CCDC192: variants seen among roughly 807,000 people sequenced by gnomAD.
CCDC192 encodes the protein coiled-coil domain containing 192, also known as coiled-coil domain-containing protein 192.
chr5:127,851,483 A>T (rs1032156001), intron 5 of CCDC192, among the ~76,000 whole-genome samples: 2 of 151,948 alleles, frequency 1.3e-5, no homozygotes, highest in East Asian at 3.9e-4. Context: ...TTTGAGATGG[A>T]GTCTCGCTCT....
At chr5:127,780,164 C>A (rs372321009) in intron 3 of CCDC192, among the ~76,000 whole-genome samples, 1 of 151,796 alleles carries the variant, frequency 6.6e-6, no homozygotes, top group Non-Finnish European at 1.5e-5. Flanking sequence ...TATACGTATA[C>A]GCACACACAT....
chr5:127,814,590 A>G (rs755970281), intron 5 of CCDC192, among the ~76,000 whole-genome samples: 1 of 152,254 alleles, frequency 6.6e-6, no homozygotes, highest in African/African-American at 2.4e-5. Flanking sequence ...AGTTAATTGG[A>G]ATAGCTAAAA....
chr5:127,852,571 C>T (rs1044736727), intron 5 of CCDC192, among the ~76,000 whole-genome samples: 1 of 152,200 alleles, frequency 6.6e-6, no homozygotes, highest in Non-Finnish European at 1.5e-5. Flanking sequence ...CAACCAGAGC[C>T]TCGGCTGAGC....
chr5:127,882,637 AAAAAACAG>A (rs1752404532), intron 6 of CCDC192, among the ~76,000 whole-genome samples: 1 of 152,232 alleles, frequency 6.6e-6, no homozygotes, highest in Non-Finnish European at 1.5e-5. Context: ...TTAGAAAATA[AAAAAACAG>A]TGATTAAAGC....
At chr5:127,918,753 G>T (rs1753602303) in intron 6 of CCDC192, among the ~76,000 whole-genome samples, 1 of 152,108 alleles carries the variant, frequency 6.6e-6, no homozygotes, top group East Asian at 1.9e-4. Flanking sequence ...ATTTTAGCTG[G>T]TCCCTCCTGA....
chr5:127,729,064 G>A (rs1265024669), intron 2 of CCDC192, among the ~76,000 whole-genome samples: 2 of 151,914 alleles, frequency 1.3e-5, no homozygotes, highest in African/African-American at 2.4e-5. Flanking sequence ...ATGCCACCAC[G>A]CCTGGCTAAT....
intron 6 of CCDC192, among the ~76,000 whole-genome samples, chr5:127,888,243 C>A (rs899104194): frequency 1.3e-5 from 2 of 151,824 alleles, no homozygotes; most frequent in South Asian, 4.2e-4. Flanking sequence ...TGGTGAAACC[C>A]CACCTCTACT....
chr5:127,723,543 A>G (rs1034237387), intron 2 of CCDC192, among the ~76,000 whole-genome samples: 7 of 152,232 alleles, frequency 4.6e-5, no homozygotes, highest in Non-Finnish European at 1.0e-4. Flanking sequence ...AATCAGTCTG[A>G]CTTTGAAAGC....
chr5:127,908,572 A>T (rs1023898574), intron 6 of CCDC192, among the ~76,000 whole-genome samples: 1 of 152,256 alleles, frequency 6.6e-6, no homozygotes, highest in African/African-American at 2.4e-5. Context: ...TCACATGCTC[A>T]AGAAAAACTT....
chr5:127,708,129 G>A (rs1299751693), intron 2 of CCDC192, among the ~76,000 whole-genome samples: 1 of 152,178 alleles, frequency 6.6e-6, no homozygotes, highest in Non-Finnish European at 1.5e-5. Context: ...ATTCACACAC[G>A]AATGATATAC....
At chr5:127,933,317 A>G (rs9327459) in intron 6 of CCDC192, among the ~76,000 whole-genome samples, 10,546 of 152,192 alleles carry the variant, frequency 0.069, 663 homozygotes, top group East Asian at 0.28. Context: ...GCAGAGTTGA[A>G]ACCAGCCTAA....
At chr5:127,753,970 AAG>A (rs1411240540) in intron 2 of CCDC192, among the ~76,000 whole-genome samples, 1 of 152,240 alleles carries the variant, frequency 6.6e-6, no homozygotes, top group African/African-American at 2.4e-5. Flanking sequence ...CTTTTGGAGT[AAG>A]AATAAAAGTT....
At chr5:127,926,959 G>A (rs1474310778) in intron 6 of CCDC192, among the ~76,000 whole-genome samples, 4 of 152,044 alleles carry the variant, frequency 2.6e-5, no homozygotes, top group Non-Finnish European at 4.4e-5. Context: ...GAAGGGGAGA[G>A]TGCTCTGAGG....
At chr5:127,797,755 ATATATATATATATATATATATATT>A (rs1485848431) in intron 4 of CCDC192, among the ~76,000 whole-genome samples, 2 of 21,352 alleles carry the variant, frequency 9.4e-5, no homozygotes, top group South Asian at 4.7e-3. Context: ...ATATATATAT[ATATATATATATATATATATATATT>A]TATTTATTTA....
intron 3 of CCDC192, among the ~76,000 whole-genome samples, chr5:127,788,786 T>A (rs1444987662): frequency 6.6e-6 from 1 of 152,198 alleles, no homozygotes; most frequent in Non-Finnish European, 1.5e-5. Flanking sequence ...ACTGGGTAAT[T>A]CCAATTGCTG....
intron 5 of CCDC192, among the ~76,000 whole-genome samples, chr5:127,822,992 C>T (rs990525509): frequency 6.6e-5 from 10 of 152,154 alleles, no homozygotes; most frequent in South Asian, 2.1e-4. Flanking sequence ...GCCCTCTCAA[C>T]GCTCCTCAAG....
intron 5 of CCDC192, among the ~76,000 whole-genome samples, chr5:127,863,490 T>C (rs1490342364): frequency 6.6e-6 from 1 of 152,182 alleles, no homozygotes; most frequent in East Asian, 1.9e-4. Context: ...TTATATGAGG[T>C]ACCTAGAAGA....
chr5:127,806,796 G>T (rs982010553), intron 5 of CCDC192, among the ~76,000 whole-genome samples: 3 of 152,130 alleles, frequency 2.0e-5, no homozygotes, highest in African/African-American at 7.2e-5. Flanking sequence ...GAATCTAATA[G>T]AAATCATATT....
At chr5:127,751,690 G>T (rs1200208064) in intron 2 of CCDC192, among the ~76,000 whole-genome samples, 2 of 151,800 alleles carry the variant, frequency 1.3e-5, no homozygotes, top group Non-Finnish European at 2.9e-5. Context: ...AATTCTCCTG[G>T]ATAATATCCT....
Sources: gnomAD v4.1 joint callset for allele counts (sites outside exome capture counted in the v4.1 genomes callset) on GRCh38, gnomAD v4.1.1 for gene constraint, MANE v1.5 for transcripts, NCBI Gene and HGNC (gene_info 2026-07-23, HGNC 2026-07-21) for gene names.